The following ALDH3A1 variants were observed in gnomAD, a reference collection of about 807,000 sequenced individuals.
ALDH3A1 encodes aldehyde dehydrogenase 3 family member A1.
A neutral mutation model predicts 49.9 loss-of-function variants in ALDH3A1; 46 were observed. The observed-to-expected ratio is 0.92, with a 90% CI of 0.73 to 1.18. The LOEUF (loss-of-function observed/expected upper bound fraction) is 1.18. ALDH3A1 is among the 50% of genes most tolerant of loss of function. The probability of loss-of-function intolerance (pLI) is 0.00; values close to 1 mark genes in which losing one functional copy is unlikely to be tolerated. For missense variants in ALDH3A1, 592 were observed against 611.8 expected (o/e 0.97, Z 0.34); for synonymous variants, 269 against 253.3 (o/e 1.06, Z -0.59).
Position 19,748,057 on chromosome 17 carries a change from C to T in ALDH3A1, c.-6+202G>A, listed in dbSNP as rs117690879. On this transcript the variant is annotated intron_variant, in intron 1 of 10. Coordinates refer to ENST00000225740, the MANE Select transcript of ALDH3A1 (RefSeq NM_000691.5). The surrounding 1 kb of genome is among the most constrained non-coding windows in gnomAD (Gnocchi z 4.4). Reference sequence around the variant, plus strand: ...CGGCCACCTTGGTGTCCCTGCTCCGCGGATCCCTGGGACCTCTGCCTCCTG... The same window carrying T: ...CGGCCACCTTGGTGTCCCTGCTCCGTGGATCCCTGGGACCTCTGCCTCCTG... 3.0e-3 allele frequency: 713 copies of T among 236,500 alleles called. 23 individuals carry two copies. The East Asian group carries it at 0.054, about 18-fold the overall frequency. 14.7% of individuals were successfully genotyped at this position (236,500 alleles called of 1,614,324 possible). A position where few individuals can be genotyped will look rare whatever the true frequency, so the allele number is the denominator to read the frequency against.
rs201501891 is a variant in ALDH3A1 at position 19,743,328 on chromosome 17, T to G, written c.298A>C (p.Ile100Leu). 9.5e-4 allele frequency: 1,541 copies of G among 1,614,122 alleles called. 23 individuals carry two copies. The South Asian group carries it at 0.015, about 16-fold the overall frequency. Reference protein sequence around the residue: ...TPQTQQDELYIHSEPLGVVLV... With the variant: ...TPQTQQDELYLHSEPLGVVLV... ...ACCACGCCCAGTGGCTCCGAGTGGA[T>G]GTAGAGCTCGTCCTGCTGAGTCTGG... The change falls in exon 3 of 11, where the codon ATC (isoleucine) becomes CTC (leucine). Residue 100 changes from isoleucine (I) to leucine (L), a missense_variant. Transcript: ENST00000225740. This position sits in a 1 kb window ranked among gnomAD's most constrained non-coding sequence, Gnocchi z 4.4.
At chr17:19,746,547 G>T (rs1305245652) in intron 1 of ALDH3A1, among the ~76,000 whole-genome samples, 1 of 147,158 alleles carries the variant, frequency 6.8e-6, no homozygotes, top group Non-Finnish European at 1.5e-5. Flanking sequence ...AAAAGAAAAA[G>T]AAAGAAAGAA....
chr17:19,742,476 C>A, intron 4 of ALDH3A1, 69 bp downstream of exon 4: 1 of 1,514,634 alleles, frequency 6.6e-7, no homozygotes. Context: ...CTATTTCTCA[C>A]CCCCCAAAGA....
rs781475117 is a variant in ALDH3A1 at position 19,743,186 on chromosome 17, T to A, written c.394+46A>T. The A allele has an allele frequency of 8.6e-5, 139 of 1,608,100 alleles. 1 individual carries two copies. In the South Asian group the frequency reaches 1.5e-3, roughly 17 times the overall value. The stretch of plus-strand genomic sequence containing the variant: ...AGCCCATCCTGGCTTGGCTCCACGC[T>A]GGGGGACGGTGCTCCCCCAGCTTCC... On this transcript the variant is annotated intron_variant, in intron 3 of 10. Transcript: ENST00000225740. This position sits in a 1 kb window ranked among gnomAD's most constrained non-coding sequence, Gnocchi z 4.4.
rs368634302 is a variant in ALDH3A1 at position 19,738,396 on chromosome 17, C to T, written c.1274G>A (p.Arg425His). The change falls in exon 10 of 11, where the codon CGC becomes CAC. Residue 425 changes from arginine (R) to histidine (H), a missense_variant. By Grantham distance (29) the Arg-to-His change is conservative (BLOSUM62 0). Transcript: ENST00000225740. Reference sequence around the variant, plus strand: ...CAGAGGCCTCACCAGGCAAGAGCGGCGGTGAGAGAAAGTCTCGAAGCTCTT... The same window carrying T: ...CAGAGGCCTCACCAGGCAAGAGCGGTGGTGAGAGAAAGTCTCGAAGCTCTT... The part of the protein sequence containing the change: ...GKKSFETFSH[R>H]RSCLVRPLMN... 95 of 1,613,636 alleles carry T rather than the reference C, an allele frequency of 5.9e-5. No homozygotes were observed. Among genetic ancestry groups the T allele is most frequent in the Admixed American group, 1.5e-4 (9 of 60,000 alleles).
In ALDH3A1 at chr17:19,738,303, C is replaced by T; in HGVS notation, c.1347+20G>A. 1 of 1,613,758 alleles carries T rather than the reference C, an allele frequency of 6.2e-7. No homozygotes were observed. Among genetic ancestry groups the T allele is most frequent in the Non-Finnish European group, 8.5e-7 (1 of 1,179,686 alleles). On this transcript the variant is annotated intron_variant, in intron 10 of 10. Transcript: ENST00000225740. ...GTCCCGCACAGCCCGGTCTCCCCCA[C>T]AGCGCCTTCCCCCTCTCACCTTGGC... is the stretch of plus-strand genomic sequence containing the variant.
chr17:19,748,176 C>T lies in ALDH3A1; in HGVS notation c.-6+83G>A. The stretch of plus-strand genomic sequence containing the variant: ...GACCCCCTGGAGAGATGATGTAGGA[C>T]TCTTGACACTTAGGGCCCCGGCTCT... On this transcript the variant is annotated intron_variant, in intron 1 of 10. Transcript: ENST00000225740. This position sits in a 1 kb window ranked among gnomAD's most constrained non-coding sequence, Gnocchi z 4.4. 2.7e-6 allele frequency: 1 copy of T among 372,044 alleles called. No homozygotes were observed. Among genetic ancestry groups the T allele is most frequent in the Non-Finnish European group, 5.4e-6 (1 of 185,158 alleles). 23.0% of individuals were successfully genotyped at this position (372,044 alleles called of 1,614,324 possible). A position where few individuals can be genotyped will look rare whatever the true frequency, so the allele number is the denominator to read the frequency against.
intron 5 of ALDH3A1, among the ~76,000 whole-genome samples, chr17:19,741,512 A>C (rs368691921): frequency 6.6e-6 from 1 of 152,080 alleles, no homozygotes. Flanking sequence ...GCCCCCCTAC[A>C]TCTCTGGGGC....
Position 19,738,368 on chromosome 17 carries a change from C to A in ALDH3A1, c.1302G>T (p.Met434Ile). ...HRRSCLVRPL[M>I]NDEGLKVRYP... ...ATCTGACCTTCAGGCCTTCATCATT[C>A]ATCAGAGGCCTCACCAGGCAAGAGC... Residue 434 changes from methionine (M) to isoleucine (I), a missense_variant, in exon 10 of 11, where the codon ATG (methionine) becomes ATT (isoleucine). By Grantham distance (10) the Met-to-Ile change is conservative. Coordinates refer to ENST00000225740, the MANE Select transcript of ALDH3A1 (RefSeq NM_000691.5). The A allele has an allele frequency of 6.2e-7, 1 of 1,613,922 alleles. No homozygotes were observed. Among genetic ancestry groups the A allele is most frequent in the South Asian group, 1.1e-5 (1 of 91,082 alleles).
At chr17:19,742,445 GC>G in intron 4 of ALDH3A1, 99 bp downstream of exon 4, 1 of 1,359,286 alleles carries the variant, frequency 7.4e-7, no homozygotes, top group Non-Finnish European at 1.0e-6. Flanking sequence ...CAGTAGCTTG[GC>G]CCCTTGCTGC....
At chr17:19,739,229 C>A (rs1282757654) in intron 8 of ALDH3A1, 134 bp from the exon 9 acceptor site, 11 of 838,062 alleles carry the variant, frequency 1.3e-5, no homozygotes, top group Non-Finnish European at 2.1e-5. Flanking sequence ...GCCTCCATCT[C>A]CTGCTCTTCC....
rs778015573 is a variant in ALDH3A1, at chr17:19,742,129, GC to G, written c.563del (p.Gly188AlafsTer10). The G allele has an allele frequency of 1.9e-6, 3 of 1,614,054 alleles. No individual in the cohort carries two copies. The East Asian group carries it at 6.7e-5, about 36-fold the overall frequency. ...TGATGATCTTCCCCACCCCCGTGCT[GC>G]CCGTGTACAGGATATGGTCGAACCT... is the stretch of plus-strand genomic sequence containing the variant. The part of the protein sequence containing the change: ...KERFDHILYT[G>X]STGVGKIIMT... On this transcript the variant is annotated frameshift_variant, in exon 5 of 11. Transcript: ENST00000225740. LOFTEE classifies it high-confidence loss of function.
In ALDH3A1 at chr17:19,742,585, G is replaced by T; in HGVS notation, c.440C>A (p.Ala147Glu). 1 of 1,613,960 alleles carries T rather than the reference G, an allele frequency of 6.2e-7. No individual in the cohort carries two copies. Residue 147 changes from alanine (A) to glutamate (E), a missense_variant, in exon 4 of 11, where the codon GCG becomes GAG. Physicochemically the swap from Ala to Glu is moderately radical, Grantham distance 107. Coordinates refer to ENST00000225740, the MANE Select transcript of ALDH3A1 (RefSeq NM_000691.5). ...GGGGATGATGGTAGCCAGCAGGCTC[G>T]CCATGTTCTCACTCAGCTCCGAGGG... ...LKPSELSENM[A>E]SLLATIIPQY...
intron 1 of ALDH3A1, 50 bp from the exon 2 acceptor site, chr17:19,745,184 G>GCCT: frequency 6.6e-7 from 1 of 1,510,708 alleles, no homozygotes; most frequent in Non-Finnish European, 8.8e-7. Flanking sequence ...AGCGCGCCCT[G>GCCT]CCTCCCACCC....
intron 1 of ALDH3A1, 194 bp from the exon 2 acceptor site, chr17:19,745,328 T>G: frequency 1.7e-6 from 1 of 575,200 alleles, no homozygotes; most frequent in Non-Finnish European, 2.9e-6. Context: ...GCTGCCTTGC[T>G]AGCCCCTGAG....
At chr17:19,741,896 CA>C in intron 5 of ALDH3A1, 107 bp downstream of exon 5, 1 of 1,097,562 alleles carries the variant, frequency 9.1e-7, no homozygotes, top group East Asian at 2.5e-5. Flanking sequence ...CTCCATGAGG[CA>C]GGGGGTGTCT....
chr17:19,745,378 G>C lies in ALDH3A1; in HGVS notation c.-5-244C>G. The C allele has an allele frequency of 8.3e-6, 4 of 479,750 alleles. No individual in the cohort carries two copies. The South Asian group carries it at 1.4e-4, about 17-fold the overall frequency. The allele number at this position is 479,750 out of a possible 1,614,324, so 29.7% of individuals were successfully genotyped here. On this transcript the variant is annotated intron_variant, in intron 1 of 10. Transcript: ENST00000225740. Reference sequence around the variant, plus strand: ...CGCAACCCGAGTCCTAAGCCGAACTGCTGCTGGGGGCTCTTGGCAGCGTGC... The same window carrying C: ...CGCAACCCGAGTCCTAAGCCGAACTCCTGCTGGGGGCTCTTGGCAGCGTGC...
intron 2 of ALDH3A1, 63 bp downstream of exon 2, chr17:19,744,905 C>CA (rs1567655770): frequency 2.3e-5 from 15 of 651,182 alleles, no homozygotes; most frequent in Admixed American, 9.1e-5. Flanking sequence ...TCCCCAGCCC[C>CA]TCCCCCCACG....
At position 19,747,248 on chromosome 17, in the gene ALDH3A1, A is replaced by G. The variant is rs140244873; in HGVS notation, c.-6+1011T>C. ...CTCCCCTCCCCATAGGCTGACCCCT[A>G]ATCCCAGGCTTTCTGCACAGGGAGG... On this transcript the variant is annotated intron_variant, in intron 1 of 10. Transcript: ENST00000225740. 1.7e-3 allele frequency among the ~76,000 whole-genome samples: 266 copies of G among 152,128 alleles called. 1 individual carries two copies. The highest frequency in any genetic ancestry group is 5.4e-3 in the African/African-American group (225 of 41,510).
Sources: allele counts gnomAD v4.1 joint callset (sites outside exome capture counted in the v4.1 genomes callset), GRCh38; gene constraint gnomAD v4.1.1; non-coding constraint Gnocchi (gnomAD v3.1); transcripts MANE v1.5; gene names NCBI Gene and HGNC (gene_info 2026-07-23, HGNC 2026-07-21).